NCOA1: variants seen among roughly 807,000 people sequenced by gnomAD.
The protein encoded by NCOA1 is nuclear receptor coactivator 1, also known as Hin-2 protein.
A neutral mutation model predicts 150.9 loss-of-function variants in NCOA1; 35 were observed. The ratio of observed to expected loss-of-function variants is 0.23; its 90% CI spans 0.18 to 0.31. The LOEUF (loss-of-function observed/expected upper bound fraction) is 0.31. Among genes scored for constraint, NCOA1 ranks in the 10% least tolerant of loss-of-function variants. The probability of loss-of-function intolerance (pLI) is 1.00; values close to 1 mark genes in which losing one functional copy is unlikely to be tolerated. For missense variants in NCOA1, 1,491 were observed against 1,749.3 expected (o/e 0.85, Z 2.63); for synonymous variants, 590 against 630.0 (o/e 0.94, Z 0.95).
At chr2:24,573,443 G>A (rs1307160436) in intron 2 of NCOA1, among the ~76,000 whole-genome samples, 3 of 152,060 alleles carry the variant, frequency 2.0e-5, no homozygotes, top group Admixed American at 6.5e-5. Context: ...CCCAGAGTTA[G>A]ATAAAGGTAC....
intron 14 of NCOA1, 73 bp downstream of exon 14, chr2:24,711,184 T>A: frequency 7.2e-7 from 1 of 1,397,600 alleles, no homozygotes; most frequent in Middle Eastern, 1.9e-4. Flanking sequence ...CTCTCACCAG[T>A]ATTACACAGA....
chr2:24,492,845 T>C (rs187777141), intron 1 of NCOA1, among the ~76,000 whole-genome samples: 13 of 152,200 alleles, frequency 8.5e-5, no homozygotes, highest in African/African-American at 1.2e-4. Context: ...AAATCAAGTG[T>C]CTGCTTAAAA....
intron 1 of NCOA1, among the ~76,000 whole-genome samples, chr2:24,512,318 G>A (rs1663968963): frequency 6.6e-6 from 1 of 152,204 alleles, no homozygotes; most frequent in Admixed American, 6.5e-5. Flanking sequence ...GGGTTTAGGA[G>A]CTCAATAGGT....
intron 17 of NCOA1, among the ~76,000 whole-genome samples, chr2:24,734,191 A>C (rs370094138): frequency 8.6e-5 from 13 of 150,490 alleles, no homozygotes; most frequent in African/African-American, 3.2e-4. Flanking sequence ...AAAAAAAAAA[A>C]AGAAGAAAAA....
intron 12 of NCOA1, 110 bp downstream of exon 12, chr2:24,705,343 G>A (rs1461126597): frequency 2.7e-5 from 30 of 1,096,664 alleles, no homozygotes; most frequent in South Asian, 4.5e-5. Flanking sequence ...TAAATTAGGC[G>A]TAAAACTAGT....
intron 3 of NCOA1, among the ~76,000 whole-genome samples, chr2:24,628,529 C>T (rs530467239): frequency 3.6e-4 from 54 of 152,054 alleles, no homozygotes; most frequent in South Asian, 8.3e-4. Flanking sequence ...ATTAAAAATA[C>T]CTACACGGAG....
At chr2:24,506,309 A>G (rs1432861106) in intron 1 of NCOA1, among the ~76,000 whole-genome samples, 2 of 151,806 alleles carry the variant, frequency 1.3e-5, no homozygotes, top group Non-Finnish European at 2.9e-5. Flanking sequence ...TTTGAAACTG[A>G]TAGTTATTTC....
intron 3 of NCOA1, among the ~76,000 whole-genome samples, chr2:24,640,345 CTCT>C (rs1323571995): frequency 6.6e-6 from 1 of 152,104 alleles, no homozygotes; most frequent in East Asian, 1.9e-4. Context: ...CTAGTCATCA[CTCT>C]TCTTCAAATC....
chr2:24,568,283 A>G (rs898447528), intron 2 of NCOA1, among the ~76,000 whole-genome samples: 43 of 152,298 alleles, frequency 2.8e-4, no homozygotes, highest in African/African-American at 9.9e-4. Flanking sequence ...AACATTTGCA[A>G]AGTTATATGT....
chr2:24,531,547 G>A (rs1024917446), intron 1 of NCOA1, among the ~76,000 whole-genome samples: 3 of 152,002 alleles, frequency 2.0e-5, no homozygotes, highest in African/African-American at 7.3e-5. Context: ...ATGTTGGTTT[G>A]CTGCACCTAT....
At chr2:24,653,556 A>G (rs1183555885) in intron 4 of NCOA1, among the ~76,000 whole-genome samples, 6 of 152,292 alleles carry the variant, frequency 3.9e-5, no homozygotes, top group African/African-American at 1.2e-4. Context: ...TTCATCACCT[A>G]TTTATTTAGT....
chr2:24,742,977 C>G (rs1236464483), intron 19 of NCOA1, among the ~76,000 whole-genome samples: 1 of 152,178 alleles, frequency 6.6e-6, no homozygotes, highest in Non-Finnish European at 1.5e-5. Flanking sequence ...CTTCCAAAAG[C>G]TTTTTTCTTT....
At chr2:24,694,631 G>A (rs2148566703) in intron 10 of NCOA1, among the ~76,000 whole-genome samples, 1 of 152,216 alleles carries the variant, frequency 6.6e-6, no homozygotes, top group East Asian at 1.9e-4. Context: ...TAAAGAGAAT[G>A]TCTCTGAGCA....
At chr2:24,566,641 A>T (rs1223724138) in intron 2 of NCOA1, among the ~76,000 whole-genome samples, 1 of 152,206 alleles carries the variant, frequency 6.6e-6, no homozygotes, top group Admixed American at 6.5e-5. Context: ...AGGCTTCACC[A>T]GGGACCTGCC....
chr2:24,515,545 A>G (rs6745425), intron 1 of NCOA1, among the ~76,000 whole-genome samples: 3,743 of 152,182 alleles, frequency 0.025, 49 homozygotes, highest in South Asian at 0.033. Context: ...GCCTTTGGCA[A>G]CCTTTTAATA....
intron 17 of NCOA1, among the ~76,000 whole-genome samples, chr2:24,738,703 C>T (rs1222194649): frequency 2.6e-5 from 4 of 152,144 alleles, no homozygotes; most frequent in African/African-American, 9.7e-5. Flanking sequence ...ATCTGTTTTA[C>T]CTTGTGTAAC....
At chr2:24,619,959 G>A (rs1268179835) in intron 3 of NCOA1, among the ~76,000 whole-genome samples, 2 of 151,878 alleles carry the variant, frequency 1.3e-5, no homozygotes, top group African/African-American at 4.8e-5. Flanking sequence ...AGATTTTCTT[G>A]TTCTTCTTTA....
chr2:24,764,714 TG>T (rs1023184541), intron 22 of NCOA1, among the ~76,000 whole-genome samples: 6 of 152,226 alleles, frequency 3.9e-5, no homozygotes, highest in African/African-American at 1.4e-4. Flanking sequence ...CTGAGGGATT[TG>T]GATTCAACCC....
chr2:24,633,524 T>G lies in NCOA1; in HGVS notation c.-174-10442T>G, dbSNP rs547481781. Among the ~76,000 whole-genome samples, 101 of 152,318 alleles carry G rather than the reference T, an allele frequency of 6.6e-4. 1 individual carries two copies. Among genetic ancestry groups the G allele is most frequent in the African/African-American group, 2.3e-3 (97 of 41,576 alleles). ...TCATAATTGAAGGCGAAGTACTTAT[T>G]GAGTGCTTGGCGTAATGGATGAAAA... On this transcript the variant is annotated intron_variant, in intron 3 of 22. Transcript: ENST00000348332.
Sources: gnomAD v4.1 joint callset for allele counts (sites outside exome capture counted in the v4.1 genomes callset) on GRCh38, gnomAD v4.1.1 for gene constraint, MANE v1.5 for transcripts, NCBI Gene and HGNC (gene_info 2026-07-23, HGNC 2026-07-21) for gene names.